ADGRV1: variants seen among roughly 807,000 people sequenced by gnomAD.
ADGRV1 encodes adhesion G protein-coupled receptor V1.
In ADGRV1, 359 loss-of-function variants were observed where a neutral mutation model predicts 596.2. The ratio of observed to expected loss-of-function variants is 0.60; its 90% confidence interval spans 0.55 to 0.66. ADGRV1 has a LOEUF of 0.66. Ranked by LOEUF, ADGRV1 falls within the 30% of genes least tolerant of loss-of-function variation. ADGRV1 has a pLI of 0.00. For missense variants in ADGRV1, 7,274 were observed against 7,575.6 expected, an observed-to-expected ratio of 0.96 and a Z score of 1.48; for synonymous variants, 2,681 against 2,679.2, an observed-to-expected ratio of 1.00 and a Z score of -0.02.
At chr5:91,048,505 A>G (rs1474390901) in intron 85 of ADGRV1, among the ~76,000 whole-genome samples, 1 of 152,198 alleles carries the variant, frequency 6.6e-6, no homozygotes, top group Non-Finnish European at 1.5e-5. Flanking sequence ...AGAACTCTTC[A>G]TCCCTTCCCC....
chr5:90,723,951 G>A (rs1436888045), intron 45 of ADGRV1, among the ~76,000 whole-genome samples: 2 of 150,606 alleles, frequency 1.3e-5, no homozygotes, highest in African/African-American at 2.4e-5. Context: ...TTGTAGTACA[G>A]AATTTTAAAA....
At chr5:90,853,854 G>A (rs1766771035) in intron 80 of ADGRV1, among the ~76,000 whole-genome samples, 1 of 152,120 alleles carries the variant, frequency 6.6e-6, no homozygotes, top group South Asian at 2.1e-4. Context: ...GTTGTCAGCT[G>A]AAGACTGCTG....
chr5:90,794,318 T>C (rs1018500985), intron 70 of ADGRV1, among the ~76,000 whole-genome samples: 5 of 152,220 alleles, frequency 3.3e-5, no homozygotes, highest in Non-Finnish European at 7.3e-5. Context: ...TAGCACCTGG[T>C]AAGTTGTTAA....
intron 53 of ADGRV1, among the ~76,000 whole-genome samples, chr5:90,753,223 A>G (rs1286648684): frequency 6.6e-6 from 1 of 152,194 alleles, no homozygotes; most frequent in African/African-American, 2.4e-5. Context: ...TTAAGCTAGT[A>G]TGCCACCTTA....
chr5:90,744,753 A>C (rs1454581432), intron 50 of ADGRV1, among the ~76,000 whole-genome samples: 1 of 152,224 alleles, frequency 6.6e-6, no homozygotes, highest in Non-Finnish European at 1.5e-5. Flanking sequence ...CTATCTAATA[A>C]ATATTAAGAT....
intron 83 of ADGRV1, among the ~76,000 whole-genome samples, chr5:90,959,106 T>A (rs1433354260): frequency 6.6e-6 from 1 of 152,144 alleles, no homozygotes; most frequent in Non-Finnish European, 1.5e-5. Flanking sequence ...TACAATGTTA[T>A]CTACAAAACA....
At chr5:90,770,715 AAAAC>A (rs1757600859) in intron 59 of ADGRV1, among the ~76,000 whole-genome samples, 1 of 152,168 alleles carries the variant, frequency 6.6e-6, no homozygotes, top group Non-Finnish European at 1.5e-5. Flanking sequence ...CAAACAAACA[AAAAC>A]AAAAAAACCT....
intron 83 of ADGRV1, chr5:90,899,179 T>TGGG (rs1771602479): frequency 6.6e-6 from 1 of 152,262 alleles, no homozygotes; most frequent in African/African-American, 2.4e-5. Flanking sequence ...AAATGTTTCA[T>TGGG]GATTATACAT....
At chr5:91,109,630 T>C (rs1353071243) in intron 87 of ADGRV1, among the ~76,000 whole-genome samples, 2 of 152,188 alleles carry the variant, frequency 1.3e-5, no homozygotes, top group Non-Finnish European at 2.9e-5. Flanking sequence ...CTGCCAGCTT[T>C]CCAGCCCCAG....
intron 77 of ADGRV1, among the ~76,000 whole-genome samples, chr5:90,834,023 A>C (rs192807659): frequency 5.9e-5 from 9 of 152,310 alleles, no homozygotes; most frequent in Admixed American, 2.6e-4. Flanking sequence ...ACGAATAAAA[A>C]TTTGACACCT....
intron 87 of ADGRV1, among the ~76,000 whole-genome samples, chr5:91,103,202 A>G (rs1791547368): frequency 6.6e-6 from 1 of 152,158 alleles, no homozygotes; most frequent in Non-Finnish European, 1.5e-5. Context: ...CATAGCTTAC[A>G]TGATGGTGCC....
chr5:90,582,350 A>G lies in ADGRV1; in HGVS notation c.22+23433A>G, dbSNP rs114313966. ...AAGTCTTTTCTTAGGCCAAGAAGATATTGTTTTATAAATCTGGGTGCTCTA... is the reference window on the plus strand; with the variant it reads ...AAGTCTTTTCTTAGGCCAAGAAGATGTTGTTTTATAAATCTGGGTGCTCTA... On this transcript the variant is annotated intron_variant, in intron 1 of 89. Transcript: ENST00000405460. Among the ~76,000 whole-genome samples the G allele has an allele frequency of 2.8e-3, 428 of 152,236 alleles. 1 individual carries two copies. The highest frequency in any genetic ancestry group is 9.9e-3 in the African/African-American group (412 of 41,556).
chr5:90,962,606 G>T (rs532235422), intron 83 of ADGRV1, among the ~76,000 whole-genome samples: 11 of 151,866 alleles, frequency 7.2e-5, no homozygotes, highest in African/African-American at 2.7e-4. Context: ...TGAAATTTTG[G>T]GTAGGCCTGG....
intron 75 of ADGRV1, among the ~76,000 whole-genome samples, chr5:90,821,672 GC>G (rs1297512836): frequency 6.6e-6 from 1 of 151,740 alleles, no homozygotes; most frequent in East Asian, 1.9e-4. Context: ...GGAATAGCCT[GC>G]CGTGTGAGGT....
chr5:90,863,014 T>C (rs1277040702), intron 82 of ADGRV1, among the ~76,000 whole-genome samples: 1 of 152,232 alleles, frequency 6.6e-6, no homozygotes, highest in African/African-American at 2.4e-5. Flanking sequence ...TATACATATG[T>C]CAATTGCTGT....
In ADGRV1 at chr5:90,573,607, C is replaced by T. The variant is rs543507040; in HGVS notation, c.22+14690C>T. The stretch of plus-strand genomic sequence containing the variant: ...AACCTTATGGACCACCATCATATAC[C>T]TGGTCCATCACTGACTGAAACATCA... On this transcript the variant is annotated intron_variant, in intron 1 of 89. Coordinates refer to ENST00000405460, the MANE Select transcript of ADGRV1 (RefSeq NM_032119.4). Among the ~76,000 whole-genome samples, 9 of 152,050 alleles carry T rather than the reference C, an allele frequency of 5.9e-5. No homozygotes were observed. The East Asian group carries it at 9.6e-4, about 16-fold the overall frequency.
chr5:90,721,591 T>TAAAAA (rs1561595562), intron 45 of ADGRV1, among the ~76,000 whole-genome samples: 2 of 82,580 alleles, frequency 2.4e-5, no homozygotes, highest in Non-Finnish European at 5.3e-5. Context: ...TAAAATAAAA[T>TAAAAA]ATGTATTTAG....
chr5:90,716,771 A>G, intron 43 of ADGRV1, 42 bp downstream of exon 43: 2 of 1,476,862 alleles, frequency 1.4e-6, no homozygotes, highest in Non-Finnish European at 1.9e-6. Flanking sequence ...TTTATCTTTA[A>G]TATTTACAAA....
chr5:91,029,790 A>G (rs745813317), intron 85 of ADGRV1, among the ~76,000 whole-genome samples: 17 of 152,056 alleles, frequency 1.1e-4, no homozygotes, highest in Non-Finnish European at 2.4e-4. Flanking sequence ...TTTAAATTCC[A>G]TATATCAAAT....
Sources: gnomAD v4.1 joint callset for allele counts (sites outside exome capture counted in the v4.1 genomes callset) on GRCh38, gnomAD v4.1.1 for gene constraint, MANE v1.5 for transcripts, NCBI Gene and HGNC (gene_info 2026-07-23, HGNC 2026-07-21) for gene names.